MYRFL: variants seen among roughly 807,000 people sequenced by gnomAD.
MYRFL encodes myelin regulatory factor-like protein.
MYRFL carries 88 observed loss-of-function variants against 109.4 expected under a neutral mutation model. That is an observed-to-expected ratio of 0.80 (90% CI 0.68 to 0.96). MYRFL has a LOEUF of 0.96. MYRFL is among the 40% of genes least tolerant of loss of function. The pLI is 0.00. For missense variants in MYRFL, 957 were observed against 954.9 expected, an observed-to-expected ratio of 1.00 and a Z score of -0.03; for synonymous variants, 324 against 320.9, an observed-to-expected ratio of 1.01 and a Z score of -0.10.
intron 10 of MYRFL, among the ~76,000 whole-genome samples, chr12:69,898,327 T>C (rs1484399118): frequency 6.6e-6 from 1 of 152,156 alleles, no homozygotes. Flanking sequence ...GGAGATGAAG[T>C]GATGATAGAA....
At chr12:69,842,356 C>G (rs1883292903) in intron 1 of MYRFL, among the ~76,000 whole-genome samples, 1 of 152,226 alleles carries the variant, frequency 6.6e-6, no homozygotes, top group Non-Finnish European at 1.5e-5. Flanking sequence ...TCATAATACA[C>G]TTTCCACCAT....
intron 1 of MYRFL, among the ~76,000 whole-genome samples, chr12:69,846,104 A>ATTTT (rs1883517664): frequency 1.9e-5 from 1 of 52,308 alleles, no homozygotes; most frequent in African/African-American, 7.4e-5. Context: ...GCTATTGACT[A>ATTTT]TCTTTTTTTT....
chr12:69,957,874 T>A lies in MYRFL; in HGVS notation c.2503T>A (p.Cys835Ser). 6.5e-7 allele frequency: 1 copy of A among 1,535,206 alleles called. No individual in the cohort carries two copies. The highest frequency in any genetic ancestry group is 1.2e-5 in the South Asian group (1 of 83,938). The change falls in exon 23 of 25, where the codon TGT becomes AGT. Residue 835 changes from cysteine to serine, a missense_variant. Transcript: ENST00000552032. The part of the protein sequence containing the change: ...FQCKFTLGNI[C>S]FHSKRGTKGL... ...GTGCAAATTCACCCTTGGAAATATA[T>A]GTTTCCATAGTAAAAGGGGAACCAA... is the stretch of plus-strand genomic sequence containing the variant.
intron 19 of MYRFL, among the ~76,000 whole-genome samples, chr12:69,944,597 G>A (rs1232723034): frequency 2.0e-5 from 3 of 151,374 alleles, no homozygotes; most frequent in African/African-American, 2.4e-5. Context: ...TGACGAGTTA[G>A]TGGGTGCAGC....
chr12:69,902,673 A>G (rs1363254516), intron 10 of MYRFL, among the ~76,000 whole-genome samples: 1 of 152,210 alleles, frequency 6.6e-6, no homozygotes, highest in Non-Finnish European at 1.5e-5. Flanking sequence ...TTTTAAAAAC[A>G]AATTAATTTT....
intron 2 of MYRFL, among the ~76,000 whole-genome samples, chr12:69,861,017 G>A (rs868313998): frequency 4.0e-5 from 6 of 148,428 alleles, no homozygotes; most frequent in Middle Eastern, 3.4e-3. Flanking sequence ...TTGTTCTTGC[G>A]ATAGTTTACT....
At chr12:69,853,233 G>A (rs974636295) in intron 1 of MYRFL, among the ~76,000 whole-genome samples, 16 of 150,944 alleles carry the variant, frequency 1.1e-4, no homozygotes, top group Non-Finnish European at 2.1e-4. Context: ...CCTCCCTCCC[G>A]GACGGGGCGG....
chr12:69,826,827 G>A (rs1882308080), intron 1 of MYRFL, among the ~76,000 whole-genome samples: 1 of 152,066 alleles, frequency 6.6e-6, no homozygotes, highest in African/African-American at 2.4e-5. Flanking sequence ...ACAGCTAATT[G>A]TCAATTTTTT....
chr12:69,825,739 G>T (rs1364880333), intron 1 of MYRFL, among the ~76,000 whole-genome samples, 176 bp downstream of exon 1: 1 of 152,042 alleles, frequency 6.6e-6, no homozygotes, highest in Non-Finnish European at 1.5e-5. Flanking sequence ...AAAATTCAAT[G>T]GTATGGATAG....
chr12:69,874,458 A>G (rs1189856373), intron 2 of MYRFL, among the ~76,000 whole-genome samples: 6 of 152,250 alleles, frequency 3.9e-5, no homozygotes, highest in African/African-American at 1.4e-4. Context: ...GATTATAGGC[A>G]TGAGCCACTG....
In MYRFL at chr12:69,825,398, A is replaced by G. The variant is rs1882211790; in HGVS notation, c.-120A>G. ...GGCTGAAGATATGCTTCACTCCAATAAAAAGAAAATGAAGATTTTTCAAGA... is the reference window on the plus strand; with the variant it reads ...GGCTGAAGATATGCTTCACTCCAATGAAAAGAAAATGAAGATTTTTCAAGA... On this transcript the variant is annotated 5_prime_UTR_variant, in exon 1 of 25. The change creates a new upstream start codon in the 5' untranslated region. Transcript: ENST00000552032. 2.9e-6 allele frequency: 2 copies of G among 690,252 alleles called. No homozygotes were observed. The highest frequency in any genetic ancestry group is 3.5e-5 in the African/African-American group (2 of 56,340). 42.8% of individuals were successfully genotyped at this position (690,252 alleles called of 1,614,324 possible).
At chr12:69,953,122 G>T (rs1956020964) in intron 21 of MYRFL, among the ~76,000 whole-genome samples, 1 of 152,130 alleles carries the variant, frequency 6.6e-6, no homozygotes, top group Non-Finnish European at 1.5e-5. Flanking sequence ...TTAATGGATG[G>T]GTCCAAAGCA....
rs925973042 is a variant in MYRFL at position 69,878,973 on chromosome 12, A to G, written c.138-55A>G. Reference sequence around the variant, plus strand: ...TGAGGGTTGTCTCCCATTTGTGACAAAACTATAATGGACTAGAGTGAAACA... The same window carrying G: ...TGAGGGTTGTCTCCCATTTGTGACAGAACTATAATGGACTAGAGTGAAACA... On this transcript the variant is annotated intron_variant, in intron 2 of 24. Transcript: ENST00000552032. The G allele has an allele frequency of 4.0e-5, 28 of 702,606 alleles. No individual in the cohort carries two copies. The African/African-American group carries it at 4.2e-4, about 11-fold the overall frequency. The allele number at this position is 702,606 out of a possible 1,614,324, so 43.5% of individuals were successfully genotyped here.
At chr12:69,892,278 A>G (rs978517459) in intron 7 of MYRFL, among the ~76,000 whole-genome samples, 7 of 152,186 alleles carry the variant, frequency 4.6e-5, no homozygotes, top group African/African-American at 1.7e-4. Flanking sequence ...CAAGGTAGTA[A>G]ATGATAGAGC....
chr12:69,937,539 C>T (rs998751429), intron 19 of MYRFL, among the ~76,000 whole-genome samples: 6 of 152,122 alleles, frequency 3.9e-5, no homozygotes, highest in Non-Finnish European at 5.9e-5. Flanking sequence ...CCACAGTCTC[C>T]GTAGTAGTGG....
intron 1 of MYRFL, among the ~76,000 whole-genome samples, chr12:69,834,464 A>G (rs1882818330): frequency 1.3e-5 from 2 of 152,168 alleles, no homozygotes; most frequent in Non-Finnish European, 2.9e-5. Flanking sequence ...GTTTCTTTGC[A>G]TCTTAGTTGT....
intron 11 of MYRFL, 75 bp from the exon 12 acceptor site, chr12:69,909,894 C>T: frequency 9.9e-7 from 1 of 1,013,724 alleles, no homozygotes; most frequent in Admixed American, 3.0e-5. Context: ...AGTGATGTCT[C>T]TGGGTCACTC....
chr12:69,884,446 G>A (rs1238859060), intron 5 of MYRFL, among the ~76,000 whole-genome samples: 1 of 152,182 alleles, frequency 6.6e-6, no homozygotes, highest in East Asian at 1.9e-4. Context: ...TACCCTTACT[G>A]TTGTGATGAC....
chr12:69,886,245 C>A (rs1027265345), intron 5 of MYRFL, among the ~76,000 whole-genome samples: 1 of 152,106 alleles, frequency 6.6e-6, no homozygotes, highest in African/African-American at 2.4e-5. Context: ...GACTGGTGCC[C>A]TTCATTTTTA....
Sources: allele counts gnomAD v4.1 joint callset (sites outside exome capture counted in the v4.1 genomes callset), GRCh38; gene constraint gnomAD v4.1.1; transcripts MANE v1.5; gene names NCBI Gene and HGNC (gene_info 2026-07-23, HGNC 2026-07-21).